Variants in PPM1K observed in about 807,000 individuals in gnomAD.
The protein encoded by PPM1K is protein phosphatase Mn(2+)-dependent 1K.
In PPM1K, 19 loss-of-function variants were observed where a neutral mutation model predicts 32.6. The ratio of observed to expected loss-of-function variants is 0.58; its 90% CI spans 0.41 to 0.86. The LOEUF is 0.86. Ranked by LOEUF, PPM1K falls within the 40% of genes least tolerant of loss-of-function variation. The pLI is 0.00. For synonymous variants in PPM1K, 159 were observed against 165.3 expected (o/e 0.96, Z 0.29); for missense variants, 362 against 461.2 (o/e 0.78, Z 1.97).
chr4:88,281,680 G>A (rs1487991217), intron 1 of PPM1K, among the ~76,000 whole-genome samples: 2 of 152,086 alleles, frequency 1.3e-5, no homozygotes, highest in African/African-American at 2.4e-5. Flanking sequence ...TTAGGTAAAC[G>A]AGATGTTACG....
chr4:88,277,085 A>T (rs1484656616), intron 3 of PPM1K, 58 bp downstream of exon 3: 4 of 1,312,642 alleles, frequency 3.0e-6, no homozygotes, highest in Non-Finnish European at 4.4e-6. Context: ...TTTCCTTTTT[A>T]CTCCTCCCCC....
chr4:88,277,471 G>T, intron 2 of PPM1K: 1 of 457,108 alleles, frequency 2.2e-6, no homozygotes, highest in Non-Finnish European at 3.9e-6. Flanking sequence ...TGTCCTTGAA[G>T]AATTGATCCT....
intron 1 of PPM1K, among the ~76,000 whole-genome samples, chr4:88,281,334 T>C (rs114810082): frequency 0.018 from 2,743 of 152,338 alleles, 33 homozygotes; most frequent in East Asian, 0.032. Flanking sequence ...TGTTCTAGTA[T>C]ATTCTTGCCG....
At chr4:88,276,990 G>A in intron 3 of PPM1K, 153 bp downstream of exon 3, 1 of 689,020 alleles carries the variant, frequency 1.5e-6, no homozygotes. Context: ...AGCATTTAAT[G>A]TGATTCTTCA....
At chr4:88,270,562 C>T (rs1195428233) in intron 3 of PPM1K, among the ~76,000 whole-genome samples, 2 of 152,146 alleles carry the variant, frequency 1.3e-5, no homozygotes, top group East Asian at 1.9e-4. Context: ...ATATTTCAAA[C>T]GATTTAAAGA....
intron 1 of PPM1K, among the ~76,000 whole-genome samples, chr4:88,282,045 T>C (rs17013978): frequency 0.092 from 13,994 of 152,160 alleles, 1,042 homozygotes; most frequent in African/African-American, 0.21. Flanking sequence ...AGGATTGTCT[T>C]TTGTCAGTTC....
At chr4:88,276,780 A>T in intron 3 of PPM1K, 1 of 903,144 alleles carries the variant, frequency 1.1e-6, no homozygotes, top group Non-Finnish European at 1.3e-6. Context: ...AGATCCATCT[A>T]AAAAAAAAAC....
chr4:88,277,088 C>A, intron 3 of PPM1K, 55 bp downstream of exon 3: 1 of 1,344,976 alleles, frequency 7.4e-7, no homozygotes, highest in Non-Finnish European at 1.1e-6. Flanking sequence ...CCTTTTTACT[C>A]CTCCCCCACC....
intron 3 of PPM1K, among the ~76,000 whole-genome samples, chr4:88,272,762 A>G (rs1199378330): frequency 6.6e-6 from 1 of 152,254 alleles, no homozygotes; most frequent in East Asian, 1.9e-4. Context: ...GGGCAAGGGA[A>G]TCTTGTTCTT....
In PPM1K at chr4:88,277,219, G is replaced by T; in HGVS notation, c.465C>A (p.Asn155Lys). ...CIMDLLPKEK[N>K]LETLLTLAFL... is the part of the protein sequence containing the mutation. The stretch of plus-strand genomic sequence containing the variant: ...AAGCCAAGGTCAACAGAGTTTCCAA[G>T]TTCTTCTCCTTAGGAAGCAAATCCC... The change falls in exon 3 of 7, where the codon AAC becomes AAA. Residue 155 changes from asparagine to lysine, a missense_variant. Asn to Lys is a moderately conservative substitution (Grantham distance 94). Transcript: ENST00000608933. 6.2e-7 allele frequency: 1 copy of T among 1,613,852 alleles called. No homozygotes were observed. Among genetic ancestry groups the T allele is most frequent in the Non-Finnish European group, 8.5e-7 (1 of 1,179,806 alleles).
In PPM1K at chr4:88,278,355, G is replaced by A. The variant is rs781222184; in HGVS notation, c.229C>T (p.Leu77=). The change falls in exon 2 of 7, where the codon CTG becomes TTG. Residue 77 remains leucine, a synonymous_variant. Coordinates refer to ENST00000608933, the MANE Select transcript of PPM1K (RefSeq NM_152542.5). The surrounding 1 kb of genome is among the most constrained non-coding windows in gnomAD (Gnocchi z 4.2). The part of the protein sequence containing the change: ...WDNRIDEPIL[L]PPSIKYGKPI... Reference sequence around the variant, plus strand: ...TTGCCATACTTAATGCTGGGTGGCAGCAGAATTGGCTCATCAATGCGGTTA... The same window carrying A: ...TTGCCATACTTAATGCTGGGTGGCAACAGAATTGGCTCATCAATGCGGTTA... The A allele has an allele frequency of 6.2e-7, 1 of 1,614,200 alleles. No homozygotes were observed. Among genetic ancestry groups the A allele is most frequent in the Non-Finnish European group, 8.5e-7 (1 of 1,180,034 alleles).
intron 3 of PPM1K, 69 bp downstream of exon 3, chr4:88,277,074 G>A: frequency 8.3e-7 from 1 of 1,205,136 alleles, no homozygotes; most frequent in Non-Finnish European, 1.2e-6. Context: ...GACTTAAAGT[G>A]TTTCCTTTTT....
At chr4:88,267,135 C>T (rs1223374643) in intron 5 of PPM1K, among the ~76,000 whole-genome samples, 20 of 141,128 alleles carry the variant, frequency 1.4e-4, no homozygotes, top group South Asian at 2.3e-4. Flanking sequence ...TGATTGGGTG[C>T]GGGTGATGCT....
At chr4:88,275,577 G>A (rs1731731965) in intron 3 of PPM1K, 1 of 985,218 alleles carries the variant, frequency 1.0e-6, no homozygotes, top group African/African-American at 1.7e-5. Flanking sequence ...TTGGTTGGTG[G>A]TCACATGCCT....
At chr4:88,276,897 T>C (rs907951113) in intron 3 of PPM1K, 15 of 855,042 alleles carry the variant, frequency 1.8e-5, no homozygotes, top group Non-Finnish European at 2.3e-5. Flanking sequence ...ACATCAGAAC[T>C]GTTTCGGGGC....
At chr4:88,271,834 T>C (rs1189883939) in intron 3 of PPM1K, among the ~76,000 whole-genome samples, 1 of 152,216 alleles carries the variant, frequency 6.6e-6, no homozygotes, top group African/African-American at 2.4e-5. Flanking sequence ...CATTTGTTAA[T>C]GGTGCTTAAT....
chr4:88,268,692 A>C, intron 4 of PPM1K, 49 bp downstream of exon 4: 3 of 1,549,250 alleles, frequency 1.9e-6, no homozygotes, highest in Non-Finnish European at 2.6e-6. Flanking sequence ...ATTATGAACT[A>C]AAAACATCAT....
chr4:88,282,239 TTCTC>T lies in PPM1K; in HGVS notation c.-60+2163_-60+2166del, dbSNP rs1732044286. Among the ~76,000 whole-genome samples, 4 of 152,198 alleles carry T rather than the reference TTCTC, an allele frequency of 2.6e-5. No homozygotes were observed. In the South Asian group the frequency reaches 8.3e-4, roughly 32 times the overall value. On this transcript the variant is annotated intron_variant, in intron 1 of 6. Transcript: ENST00000608933. ...TCAAGTCATCCAAAAGGAAAGCACT[TTCTC>T]TGGCAGGAAGGTGCACTGGATTTGA...
At position 88,261,262 on chromosome 4, in the gene PPM1K, T is replaced by G. The variant is rs549576064; in HGVS notation, c.*1333A>C. 2.0e-3 allele frequency: 307 copies of G among 152,350 alleles called. 1 individual carries two copies. The highest frequency in any genetic ancestry group is 7.0e-3 in the African/African-American group (293 of 41,590). The allele number at this position is 152,350 out of a possible 1,614,324, so 9.4% of individuals were successfully genotyped here. On this transcript the variant is annotated 3_prime_UTR_variant, in exon 7 of 7. Coordinates refer to ENST00000608933, the MANE Select transcript of PPM1K (RefSeq NM_152542.5). ...GAAATGGAGAATGTTTTAATGGTCA[T>G]TTTAGATTTATTCTTTCTCCTAAGT...
Sources: allele counts gnomAD v4.1 joint callset (sites outside exome capture counted in the v4.1 genomes callset), GRCh38; gene constraint gnomAD v4.1.1; non-coding constraint Gnocchi (gnomAD v3.1); transcripts MANE v1.5; gene names NCBI Gene and HGNC (gene_info 2026-07-23, HGNC 2026-07-21).